Variants in SH2D4B observed in about 807,000 individuals in gnomAD.
SH2D4B encodes the protein SH2 domain containing 4B.
SH2D4B carries 45 observed loss-of-function variants against 61.5 expected under a neutral mutation model. The observed-to-expected ratio is 0.73, with a 90% confidence interval of 0.58 to 0.94. The LOEUF (loss-of-function observed/expected upper bound fraction) is 0.94, where lower values mean the gene tolerates loss of function less well. Ranked by LOEUF, SH2D4B falls within the 40% of genes least tolerant of loss-of-function variation. SH2D4B has a pLI of 0.00. For missense variants in SH2D4B, 572 were observed against 574.2 expected, an observed-to-expected ratio of 1.00 and a Z score of 0.04; for synonymous variants, 224 against 220.4, an observed-to-expected ratio of 1.02 and a Z score of -0.14.
rs755482978 is a variant in SH2D4B, at chr10:80,646,387, A to G, written c.*2302A>G. ...TTTCCATCCCTAACACATTTATTTC[A>G]TTTTATTTGGGGCCTGCAATTTCTG... On this transcript the variant is annotated 3_prime_UTR_variant, in exon 8 of 8. Transcript: ENST00000646907. 3.3e-5 allele frequency: 5 copies of G among 152,418 alleles called. No homozygotes were observed. In the South Asian group the frequency reaches 8.3e-4, roughly 25 times the overall value. The allele number at this position is 152,418 out of a possible 1,614,324, so 9.4% of individuals were successfully genotyped here.
chr10:80,601,295 C>A (rs12360015), intron 4 of SH2D4B, among the ~76,000 whole-genome samples: 2 of 152,110 alleles, frequency 1.3e-5, no homozygotes, highest in East Asian at 1.9e-4. Flanking sequence ...CAGCAGAATG[C>A]GAGGCTGCTG....
At position 80,574,736 on chromosome 10, in the gene SH2D4B, TG is replaced by T. The variant is rs200291569; in HGVS notation, c.495+3159del. On this transcript the variant is annotated intron_variant, in intron 3 of 7. Transcript: ENST00000646907. ...TTTGTTTGAGACGGAGTTTCGCTCT[TG>T]TTGTCCAGGCTGGAGTGCAATGGCG... Among the ~76,000 whole-genome samples the T allele has an allele frequency of 9.9e-3, 1,501 of 152,248 alleles. 23 individuals are homozygous for T. Among genetic ancestry groups the T allele is most frequent in the African/African-American group, 0.035 (1,439 of 41,532 alleles).
At chr10:80,612,263 A>G (rs1378557870) in intron 6 of SH2D4B, among the ~76,000 whole-genome samples, 1 of 144,300 alleles carries the variant, frequency 6.9e-6, no homozygotes, top group Non-Finnish European at 1.5e-5. Flanking sequence ...TTCTCTTTCA[A>G]TATAGGAATT....
chr10:80,558,237 AT>A (rs1240757219), intron 1 of SH2D4B, among the ~76,000 whole-genome samples: 1 of 150,674 alleles, frequency 6.6e-6, no homozygotes, highest in Non-Finnish European at 1.5e-5. Context: ...ATGCTTGTTG[AT>A]TTTTTTTTCA....
At chr10:80,614,661 C>T (rs1842639944) in intron 6 of SH2D4B, among the ~76,000 whole-genome samples, 1 of 152,276 alleles carries the variant, frequency 6.6e-6, no homozygotes, top group Non-Finnish European at 1.5e-5. Flanking sequence ...AGGGCCTTTA[C>T]ACCCTCTGCT....
At chr10:80,603,447 C>A in intron 4 of SH2D4B, 132 bp from the exon 5 acceptor site, 1 of 807,654 alleles carries the variant, frequency 1.2e-6, no homozygotes, top group Non-Finnish European at 1.9e-6. Flanking sequence ...TAGGTTGGTG[C>A]AAAAGTCATC....
intron 1 of SH2D4B, among the ~76,000 whole-genome samples, chr10:80,540,011 G>T (rs1186137623): frequency 6.6e-6 from 1 of 152,146 alleles, no homozygotes; most frequent in East Asian, 1.9e-4. Context: ...CATGATGCCT[G>T]CATGATGACT....
chr10:80,583,719 T>G (rs1178662799), intron 3 of SH2D4B, among the ~76,000 whole-genome samples: 1 of 151,896 alleles, frequency 6.6e-6, no homozygotes, highest in Non-Finnish European at 1.5e-5. Flanking sequence ...GATAAGGCAG[T>G]TAGAAGATAA....
At position 80,538,403 on chromosome 10, in the gene SH2D4B, G is replaced by C. The variant is rs547511772; in HGVS notation, c.72G>C (p.Lys24Asn). ...TTGCCGAGCTCAGCGATGTGCAGAA[G>C]CACATCCTCTTCTACAAAATGCGGG... ...ELLAELSDVQ[K>N]HILFYKMREE... is the part of the protein sequence containing the mutation. Residue 24 changes from lysine (K) to asparagine (N), a missense_variant, in exon 1 of 8, where the codon AAG becomes AAC. Lys to Asn is a moderately conservative substitution (Grantham distance 94). Coordinates refer to ENST00000646907, the MANE Select transcript of SH2D4B (RefSeq NM_001388272.1). This position sits in a 1 kb window ranked among gnomAD's most constrained non-coding sequence, Gnocchi z 4.8. 5 of 1,475,178 alleles carry C rather than the reference G, an allele frequency of 3.4e-6. No homozygotes were observed. The South Asian group carries it at 5.5e-5, about 16-fold the overall frequency. The allele number at this position is 1,475,178 out of a possible 1,614,324, so 91.4% of individuals were successfully genotyped here. A position where few individuals can be genotyped will look rare whatever the true frequency, so the allele number is the denominator to read the frequency against.
At chr10:80,611,701 C>T (rs772867145) in intron 6 of SH2D4B, among the ~76,000 whole-genome samples, 10 of 152,082 alleles carry the variant, frequency 6.6e-5, no homozygotes, top group Admixed American at 1.3e-4. Flanking sequence ...GCAGCTGTGC[C>T]GGGTGCTCCA....
chr10:80,639,055 T>C (rs1564532269), intron 7 of SH2D4B, among the ~76,000 whole-genome samples: 6 of 152,250 alleles, frequency 3.9e-5, no homozygotes, highest in Admixed American at 2.6e-4. Flanking sequence ...CCAGTAGTCA[T>C]TCAGGAGCAG....
intron 5 of SH2D4B, chr10:80,607,538 A>C (rs1842533822): frequency 6.6e-6 from 1 of 152,266 alleles, no homozygotes; most frequent in Non-Finnish European, 1.5e-5. Flanking sequence ...CTGTCCTTCC[A>C]ACATCTTTTC....
chr10:80,609,524 A>C lies in SH2D4B; in HGVS notation c.961A>C (p.Thr321Pro), dbSNP rs1842568888. 1 of 1,614,038 alleles carries C rather than the reference A, an allele frequency of 6.2e-7. No individual in the cohort carries two copies. The highest frequency in any genetic ancestry group is 8.5e-7 in the Non-Finnish European group (1 of 1,180,016). ...LPRRAGFERN[T>P]KFIAPWFHGI... is the part of the protein sequence containing the mutation. ...TCGCCGAGCTGGCTTCGAGAGGAAC[A>C]CCAAGTTCATCGCCCCCTGGTTCCA... Residue 321 changes from threonine to proline, a missense_variant, in exon 6 of 8, where the codon ACC (threonine) becomes CCC (proline). Coordinates refer to ENST00000646907, the MANE Select transcript of SH2D4B (RefSeq NM_001388272.1).
At chr10:80,621,614 G>C (rs889203108) in intron 6 of SH2D4B, among the ~76,000 whole-genome samples, 1 of 152,128 alleles carries the variant, frequency 6.6e-6, no homozygotes, top group Admixed American at 6.5e-5. Flanking sequence ...GTCAAATGTC[G>C]TCTGGGTATA....
chr10:80,596,787 C>G (rs11186222), intron 4 of SH2D4B, among the ~76,000 whole-genome samples: 17,505 of 152,136 alleles, frequency 0.12, 1,187 homozygotes, highest in East Asian at 0.25. Context: ...AGTGCTGGTG[C>G]GTAGCTCAAC....
intron 1 of SH2D4B, among the ~76,000 whole-genome samples, chr10:80,559,986 T>A (rs1428248800): frequency 9.4e-6 from 1 of 106,392 alleles, no homozygotes; most frequent in South Asian, 3.0e-4. Context: ...AAAATACACC[T>A]TTTTTTTTTT....
At chr10:80,586,243 G>T (rs1378780833) in intron 3 of SH2D4B, among the ~76,000 whole-genome samples, 1 of 152,188 alleles carries the variant, frequency 6.6e-6, no homozygotes, top group Non-Finnish European at 1.5e-5. Flanking sequence ...AACCACCCAA[G>T]AGCTGAGGAG....
At chr10:80,547,666 A>G (rs1841700259) in intron 1 of SH2D4B, among the ~76,000 whole-genome samples, 1 of 152,170 alleles carries the variant, frequency 6.6e-6, no homozygotes, top group African/African-American at 2.4e-5. Flanking sequence ...TGTTAAGAAA[A>G]CACTTCCTGT....
chr10:80,586,089 A>G (rs760883123), intron 3 of SH2D4B, among the ~76,000 whole-genome samples: 1 of 152,078 alleles, frequency 6.6e-6, no homozygotes, highest in Non-Finnish European at 1.5e-5. Flanking sequence ...TTGATTTCTC[A>G]GGGGGCCTTA....
Sources: allele counts gnomAD v4.1 joint callset (sites outside exome capture counted in the v4.1 genomes callset), GRCh38; gene constraint gnomAD v4.1.1; non-coding constraint Gnocchi (gnomAD v3.1); transcripts MANE v1.5; gene names NCBI Gene and HGNC (gene_info 2026-07-23, HGNC 2026-07-21).